MACROD2: variants seen among roughly 807,000 people sequenced by gnomAD.
MACROD2 encodes the protein mono-ADP ribosylhydrolase 2, also known as ADP-ribose glycohydrolase MACROD2.
Under a neutral mutation model 70.4 loss-of-function variants are expected in MACROD2, and 36 were observed. The observed-to-expected ratio is 0.51, with a 90% CI of 0.39 to 0.68. The LOEUF (loss-of-function observed/expected upper bound fraction) is 0.68, where lower values mean the gene tolerates loss of function less well. MACROD2 is among the 30% of genes least tolerant of loss of function. The pLI is 0.00. For missense variants in MACROD2, 496 were observed against 538.4 expected (o/e 0.92, Z 0.78); for synonymous variants, 172 against 178.8 (o/e 0.96, Z 0.30).
intron 4 of MACROD2, among the ~76,000 whole-genome samples, chr20:14,578,206 A>G (rs907162191): frequency 7.9e-5 from 12 of 151,454 alleles, no homozygotes; most frequent in Non-Finnish European, 5.9e-5. Context: ...TTTTCTTTTC[A>G]CAAATTGAGA....
intron 9 of MACROD2, among the ~76,000 whole-genome samples, chr20:15,876,104 T>TAA (rs1380786868): frequency 0.029 from 1,908 of 65,604 alleles, 106 homozygotes; most frequent in African/African-American, 0.079. Flanking sequence ...TATATATATA[T>TAA]ATATATATGT....
chr20:14,552,667 T>G (rs1978737163), intron 4 of MACROD2, among the ~76,000 whole-genome samples: 1 of 152,158 alleles, frequency 6.6e-6, no homozygotes, highest in Non-Finnish European at 1.5e-5. Flanking sequence ...TGGTATAGCC[T>G]GCTGCTCCTA....
chr20:15,486,979 G>A (rs1402875927), intron 7 of MACROD2, among the ~76,000 whole-genome samples: 1 of 152,336 alleles, frequency 6.6e-6, no homozygotes, highest in East Asian at 1.9e-4. Context: ...AACCAAGCTG[G>A]ACTCTTGGCT....
chr20:14,969,730 T>G (rs1215512453), intron 5 of MACROD2, among the ~76,000 whole-genome samples: 1 of 152,168 alleles, frequency 6.6e-6, no homozygotes, highest in Non-Finnish European at 1.5e-5. Context: ...TTTGAAGTCT[T>G]AAAGAGTTTT....
intron 5 of MACROD2, among the ~76,000 whole-genome samples, chr20:15,119,387 C>T (rs2076014712): frequency 6.6e-6 from 1 of 151,930 alleles, no homozygotes. Context: ...GGAGTGTGTA[C>T]ATCTACACCT....
chr20:14,413,556 A>G (rs905064513), intron 3 of MACROD2, among the ~76,000 whole-genome samples: 2 of 152,160 alleles, frequency 1.3e-5, no homozygotes, highest in East Asian at 3.8e-4. Context: ...AGAAATATAT[A>G]ATCAGGTATA....
At chr20:14,307,975 G>T (rs984705809) in intron 3 of MACROD2, among the ~76,000 whole-genome samples, 8 of 152,044 alleles carry the variant, frequency 5.3e-5, no homozygotes, top group African/African-American at 1.2e-4. Flanking sequence ...GACAATTAAG[G>T]CATAAAAATT....
chr20:15,495,211 G>A (rs977176986), intron 7 of MACROD2, among the ~76,000 whole-genome samples: 2 of 152,160 alleles, frequency 1.3e-5, no homozygotes, highest in African/African-American at 4.8e-5. Flanking sequence ...TCCATCCCTA[G>A]GCTAAAATCT....
At chr20:16,015,273 C>T (rs952758697) in intron 15 of MACROD2, among the ~76,000 whole-genome samples, 1 of 152,144 alleles carries the variant, frequency 6.6e-6, no homozygotes, top group Non-Finnish European at 1.5e-5. Context: ...TGAAACACTA[C>T]AGCACTCTTC....
intron 3 of MACROD2, among the ~76,000 whole-genome samples, chr20:14,273,996 A>G (rs1441362232): frequency 3.3e-5 from 5 of 152,288 alleles, no homozygotes; most frequent in East Asian, 1.9e-4. Flanking sequence ...AATTGTGGCA[A>G]TAATCAATAG....
chr20:16,041,669 T>C (rs1234723866), intron 16 of MACROD2, among the ~76,000 whole-genome samples: 2 of 151,930 alleles, frequency 1.3e-5, no homozygotes, highest in Non-Finnish European at 2.9e-5. Flanking sequence ...GAGCCCTACC[T>C]TTGGTGTGGG....
chr20:15,997,472 G>T (rs573044164), intron 15 of MACROD2, among the ~76,000 whole-genome samples: 1 of 152,112 alleles, frequency 6.6e-6, no homozygotes, highest in East Asian at 1.9e-4. Context: ...TACTATAAAT[G>T]GATAGTTTTC....
At chr20:15,113,799 T>C (rs568848057) in intron 5 of MACROD2, among the ~76,000 whole-genome samples, 36 of 146,782 alleles carry the variant, frequency 2.5e-4, no homozygotes, top group East Asian at 1.8e-3. Flanking sequence ...TGTGTGTGTG[T>C]GCTGGAGGGG....
At chr20:14,156,656 T>C (rs2055108438) in intron 3 of MACROD2, among the ~76,000 whole-genome samples, 1 of 152,218 alleles carries the variant, frequency 6.6e-6, no homozygotes, top group Admixed American at 6.5e-5. Context: ...ATATTTAAAT[T>C]GCTTTCTATG....
intron 2 of MACROD2, among the ~76,000 whole-genome samples, chr20:14,057,693 G>T (rs556477272): frequency 6.6e-6 from 1 of 152,250 alleles, no homozygotes; most frequent in Non-Finnish European, 1.5e-5. Flanking sequence ...AATTCATGCA[G>T]ATACCCACTA....
intron 3 of MACROD2, among the ~76,000 whole-genome samples, chr20:14,360,916 A>G (rs776148133): frequency 2.0e-5 from 3 of 152,336 alleles, no homozygotes; most frequent in Middle Eastern, 3.4e-3. Flanking sequence ...TTGGATTTGC[A>G]GAAGCAATTA....
In MACROD2 at chr20:15,805,845, T is replaced by C. The variant is rs549606392; in HGVS notation, c.646-56900T>C. On this transcript the variant is annotated intron_variant, in intron 8 of 17. Coordinates refer to ENST00000684519, the MANE Select transcript of MACROD2 (RefSeq NM_001351661.2). ...GGATTGATGTTGACTGAGTTGGTAA[T>C]GGAGGAGCAAAGAGGAGGGAGGAAG... Among the ~76,000 whole-genome samples, 3 of 152,306 alleles carry C rather than the reference T, an allele frequency of 2.0e-5. No homozygotes were observed. In the East Asian group the frequency reaches 5.8e-4, roughly 29 times the overall value.
chr20:14,437,776 T>C (rs1349909564), intron 3 of MACROD2, among the ~76,000 whole-genome samples: 1 of 152,198 alleles, frequency 6.6e-6, no homozygotes, highest in African/African-American at 2.4e-5. Flanking sequence ...AAAATACATT[T>C]TCAGTAAAAA....
At chr20:14,028,658 T>TAAG (rs971531195) in intron 2 of MACROD2, among the ~76,000 whole-genome samples, 9 of 152,084 alleles carry the variant, frequency 5.9e-5, no homozygotes, top group Admixed American at 1.3e-4. Context: ...CCTCATGGCT[T>TAAG]CCCTTGGCTA....
Sources: gnomAD v4.1 joint callset for allele counts (sites outside exome capture counted in the v4.1 genomes callset) on GRCh38, gnomAD v4.1.1 for gene constraint, MANE v1.5 for transcripts, NCBI Gene and HGNC (gene_info 2026-07-23, HGNC 2026-07-21) for gene names.